Variants in NEXMIF observed in about 807,000 individuals in gnomAD.
NEXMIF encodes neurite extension and migration factor.
A neutral mutation model predicts 62.1 loss-of-function variants in NEXMIF; 8 were observed. The ratio of observed to expected loss-of-function variants is 0.13; its 90% confidence interval spans 0.08 to 0.23. The LOEUF is 0.23. NEXMIF is among the 10% of genes least tolerant of loss of function. NEXMIF has a pLI of 1.00. For synonymous variants in NEXMIF, 404 were observed against 416.6 expected (o/e 0.97, Z 0.37); for missense variants, 976 against 1,113.3 (o/e 0.88, Z 1.75).
intron 1 of NEXMIF, among the ~76,000 whole-genome samples, chrX:74,778,710 A>G (rs1363173577): frequency 1.8e-5 from 2 of 111,709 alleles, no homozygotes; most frequent in Admixed American, 1.9e-4. Flanking sequence ...TTTACCTTAC[A>G]TTACATTTTG....
intron 1 of NEXMIF, among the ~76,000 whole-genome samples, chrX:74,919,271 T>C (rs2080818044): frequency 8.9e-6 from 1 of 111,912 alleles, no homozygotes; most frequent in Admixed American, 9.5e-5. Context: ...AATCCAATTC[T>C]GTTGAGCCGA....
At chrX:74,789,645 T>C (rs895466600) in intron 1 of NEXMIF, among the ~76,000 whole-genome samples, 4 of 110,814 alleles carry the variant, frequency 3.6e-5, no homozygotes, top group African/African-American at 1.3e-4. Flanking sequence ...TGTTGTTTCC[T>C]GACTTTTTAA....
intron 1 of NEXMIF, among the ~76,000 whole-genome samples, chrX:74,889,120 G>A (rs754549822): frequency 5.4e-5 from 6 of 111,809 alleles, no homozygotes; most frequent in Non-Finnish European, 1.9e-5. Flanking sequence ...TATTATTTCC[G>A]TTAATGCCCA....
At chrX:74,832,939 GTTC>G (rs1024734281) in intron 1 of NEXMIF, among the ~76,000 whole-genome samples, 1 of 111,631 alleles carries the variant, frequency 9.0e-6, no homozygotes, top group Non-Finnish European at 1.9e-5. Flanking sequence ...AATTCGTTTT[GTTC>G]TTAATTTTTT....
At chrX:74,886,417 A>G (rs1569363340) in intron 1 of NEXMIF, among the ~76,000 whole-genome samples, 1 of 111,824 alleles carries the variant, frequency 8.9e-6, no homozygotes, top group Non-Finnish European at 1.9e-5. Flanking sequence ...CTCAGCCCAA[A>G]ATCTCCTCAA....
intron 1 of NEXMIF, among the ~76,000 whole-genome samples, chrX:74,793,442 C>G (rs2080293194): frequency 9.1e-6 from 1 of 109,417 alleles, no homozygotes; most frequent in African/African-American, 3.3e-5. Context: ...GTGAATCTGA[C>G]AATTATGTGT....
chrX:74,740,869 C>G lies in NEXMIF; in HGVS notation c.3688G>C (p.Ala1230Pro). 1 of 1,211,962 alleles carries G rather than the reference C, an allele frequency of 8.3e-7. No homozygotes were observed. Residue 1230 changes from alanine (A) to proline (P), a missense_variant, in exon 3 of 4, where the codon GCT (alanine) becomes CCT (proline). Transcript: ENST00000055682. Reference sequence around the variant, plus strand: ...TGCATTTTCTCTCCATTGATGGCAGCCATGTATTTCCCTTTCTTTGTGGAC... The same window carrying G: ...TGCATTTTCTCTCCATTGATGGCAGGCATGTATTTCCCTTTCTTTGTGGAC... ...PKSTKKGKYM[A>P]AINGEKMQIG... is the part of the protein sequence containing the mutation.
At chrX:74,911,449 C>A (rs770438507) in intron 1 of NEXMIF, among the ~76,000 whole-genome samples, 17 of 111,652 alleles carry the variant, frequency 1.5e-4, no homozygotes, top group African/African-American at 5.5e-4. Flanking sequence ...TCTTAAAAGA[C>A]AAAGTGACAA....
chrX:74,886,597 G>T (rs1366430865), intron 1 of NEXMIF, among the ~76,000 whole-genome samples: 2 of 111,152 alleles, frequency 1.8e-5, no homozygotes, highest in Non-Finnish European at 3.8e-5. Flanking sequence ...TACAAGGGAT[G>T]TGAAGGACCT....
At chrX:74,798,137 G>A (rs1292979762) in intron 1 of NEXMIF, among the ~76,000 whole-genome samples, 2 of 112,016 alleles carry the variant, frequency 1.8e-5, no homozygotes, top group Non-Finnish European at 3.8e-5. Flanking sequence ...GAGGGAGTGA[G>A]AGCATCAGGA....
rs1384520780 is a variant in NEXMIF, at chrX:74,825,181, C to T, written c.-47-79484G>A. ...CATTTTTTCATATCTTTTCTGTTGG[C>T]CATTTTTACAAGTCCTTTTGAGAAT... On this transcript the variant is annotated intron_variant, in intron 1 of 3. Coordinates refer to ENST00000055682, the MANE Select transcript of NEXMIF (RefSeq NM_001008537.3). Among the ~76,000 whole-genome samples, 3 of 111,474 alleles carry T rather than the reference C, an allele frequency of 2.7e-5. No homozygotes were observed. In the South Asian group the frequency reaches 1.1e-3, roughly 42 times the overall value.
chrX:74,763,349 A>G (rs1180280877), intron 1 of NEXMIF, among the ~76,000 whole-genome samples: 1 of 111,872 alleles, frequency 8.9e-6, no homozygotes, highest in Admixed American at 9.5e-5. Flanking sequence ...TACCAGTACC[A>G]TGCTGTTTTG....
intron 1 of NEXMIF, among the ~76,000 whole-genome samples, chrX:74,824,440 C>G (rs1173707821): frequency 8.9e-6 from 1 of 111,823 alleles, no homozygotes; most frequent in Non-Finnish European, 1.9e-5. Flanking sequence ...TAAATGACAG[C>G]AGTTCCTTCT....
chrX:74,791,460 T>A (rs377236271), intron 1 of NEXMIF, among the ~76,000 whole-genome samples: 2 of 111,082 alleles, frequency 1.8e-5, no homozygotes, highest in Non-Finnish European at 3.8e-5. Flanking sequence ...TGTCTCTGCC[T>A]GGCTTTGGTA....
At chrX:74,874,118 G>C (rs1172826662) in intron 1 of NEXMIF, among the ~76,000 whole-genome samples, 1 of 107,610 alleles carries the variant, frequency 9.3e-6, no homozygotes, top group African/African-American at 3.4e-5. Flanking sequence ...GGGTTTTTAT[G>C]GTTTTAGGTC....
At chrX:74,808,314 G>C (rs1476332187) in intron 1 of NEXMIF, among the ~76,000 whole-genome samples, 1 of 111,119 alleles carries the variant, frequency 9.0e-6, no homozygotes, top group Non-Finnish European at 1.9e-5. Flanking sequence ...TGAGGCAGGA[G>C]GATCCCTTGA....
Position 74,873,865 on chromosome X carries a change from T to A in NEXMIF, c.-48+51018A>T, listed in dbSNP as rs2080615724. ...TTTGTTTTTTTCTTGTAAATTTGTT[T>A]GAGTTCATTGTAGATTCTGGATATT... On this transcript the variant is annotated intron_variant, in intron 1 of 3. Transcript: ENST00000055682. Among the ~76,000 whole-genome samples the A allele has an allele frequency of 2.7e-5, 3 of 111,528 alleles. No homozygotes were observed. The South Asian group carries it at 1.1e-3, about 42-fold the overall frequency.
chrX:74,832,778 G>C (rs1259723810), intron 1 of NEXMIF, among the ~76,000 whole-genome samples: 1 of 110,754 alleles, frequency 9.0e-6, no homozygotes, highest in Non-Finnish European at 1.9e-5. Context: ...TCTGAGTACT[G>C]TTTTCATTGT....
At chrX:74,803,441 G>A (rs918022449) in intron 1 of NEXMIF, among the ~76,000 whole-genome samples, 3 of 110,639 alleles carry the variant, frequency 2.7e-5, no homozygotes, top group African/African-American at 3.3e-5. Flanking sequence ...GGTGGCAGGC[G>A]CCTGTAGTCC....
Sources: allele counts gnomAD v4.1 joint callset (sites outside exome capture counted in the v4.1 genomes callset), GRCh38; gene constraint gnomAD v4.1.1; transcripts MANE v1.5; gene names NCBI Gene and HGNC (gene_info 2026-07-23, HGNC 2026-07-21).